The following EML6 variants were observed in gnomAD, a reference collection of about 807,000 sequenced individuals.
The protein encoded by EML6 is echinoderm microtubule-associated protein-like 6.
EML6 carries 154 observed loss-of-function variants against 240.1 expected under a neutral mutation model. The ratio of observed to expected loss-of-function variants is 0.64; its 90% CI spans 0.56 to 0.73. EML6 has a LOEUF of 0.73. EML6 is among the 30% of genes least tolerant of loss of function. EML6 has a pLI of 0.00. For synonymous variants in EML6, 1,148 were observed against 899.0 expected, an observed-to-expected ratio of 1.28 and a Z score of -4.95; for missense variants, 2,964 against 2,474.6, an observed-to-expected ratio of 1.20 and a Z score of -4.20.
chr2:54,918,220 C>T lies in EML6; in HGVS notation c.3675+1285C>T, dbSNP rs191426863. Reference sequence around the variant, plus strand: ...GAGCATTTTCTCTCCCTTGCAGCATCATGTCATCCTCTGCTTTCACAATCC... The same window carrying T: ...GAGCATTTTCTCTCCCTTGCAGCATTATGTCATCCTCTGCTTTCACAATCC... On this transcript the variant is annotated intron_variant, in intron 26 of 41. Coordinates refer to ENST00000356458, the MANE Select transcript of EML6 (RefSeq NM_001039753.4). Among the ~76,000 whole-genome samples the T allele has an allele frequency of 1.3e-4, 20 of 152,324 alleles. No individual in the cohort carries two copies. In the East Asian group the frequency reaches 3.7e-3, roughly 28 times the overall value.
chr2:54,927,901 T>C (rs1037255109), intron 26 of EML6, among the ~76,000 whole-genome samples: 2 of 152,346 alleles, frequency 1.3e-5, no homozygotes, highest in African/African-American at 4.8e-5. Flanking sequence ...CTGCCTGGAC[T>C]GTAGTACAAA....
chr2:54,921,288 A>G (rs555671172), intron 26 of EML6, among the ~76,000 whole-genome samples: 8 of 152,288 alleles, frequency 5.3e-5, no homozygotes, highest in African/African-American at 1.9e-4. Context: ...TATACAATTC[A>G]ATTACATTTT....
chr2:54,910,418 T>C (rs1673577628), intron 24 of EML6, among the ~76,000 whole-genome samples: 1 of 152,240 alleles, frequency 6.6e-6, no homozygotes, highest in East Asian at 1.9e-4. Context: ...CTGGATTTCT[T>C]TTCAAATGTT....
At chr2:54,886,659 G>C (rs975594758) in intron 17 of EML6, among the ~76,000 whole-genome samples, 1 of 152,178 alleles carries the variant, frequency 6.6e-6, no homozygotes, top group South Asian at 2.1e-4. Flanking sequence ...GTGTGAAGTG[G>C]TATCTCATTA....
Position 54,970,113 on chromosome 2 carries a change from A to G in EML6, c.*18A>G. ...GTCTGTAAAATGCCAGAAGCCTCTT[A>G]TGTTATTGCTGCTGCTGCTACCAGC... On this transcript the variant is annotated 3_prime_UTR_variant, in exon 42 of 42. Coordinates refer to ENST00000356458, the MANE Select transcript of EML6 (RefSeq NM_001039753.4). 14 of 1,551,528 alleles carry G rather than the reference A, an allele frequency of 9.0e-6. No homozygotes were observed. The highest frequency in any genetic ancestry group is 1.0e-5 in the Non-Finnish European group (12 of 1,146,856).
intron 2 of EML6, among the ~76,000 whole-genome samples, chr2:54,808,500 C>T (rs901187012): frequency 1.3e-5 from 2 of 151,708 alleles, no homozygotes; most frequent in African/African-American, 4.9e-5. Context: ...TTCATGCTTT[C>T]CTGGTGAGAC....
At chr2:54,793,362 T>A (rs1487544150) in intron 2 of EML6, among the ~76,000 whole-genome samples, 6 of 143,050 alleles carry the variant, frequency 4.2e-5, no homozygotes, top group Admixed American at 2.1e-4. Flanking sequence ...TGAAGAAGTA[T>A]AAGGTAAATA....
At chr2:54,922,323 A>G (rs1285500738) in intron 26 of EML6, among the ~76,000 whole-genome samples, 4 of 152,230 alleles carry the variant, frequency 2.6e-5, no homozygotes, top group Non-Finnish European at 4.4e-5. Flanking sequence ...ATCACTTTTT[A>G]GGGAAATGTA....
At chr2:54,859,351 C>T (rs545359861) in intron 11 of EML6, among the ~76,000 whole-genome samples, 183 bp from the exon 12 acceptor site, 1 of 152,110 alleles carries the variant, frequency 6.6e-6, no homozygotes, top group African/African-American at 2.4e-5. Context: ...TAGCTTACTG[C>T]ATATTGGAAT....
In EML6 at chr2:54,725,028, C is replaced by CG. The variant is rs1263226929; in HGVS notation, c.-27dup. 4.0e-5 allele frequency: 58 copies of CG among 1,467,990 alleles called. No individual in the cohort carries two copies. Among genetic ancestry groups the CG allele is most frequent in the African/African-American group, 7.4e-5 (5 of 67,314 alleles). 90.9% of individuals were successfully genotyped at this position (1,467,990 alleles called of 1,614,324 possible). A position where few individuals can be genotyped will look rare whatever the true frequency, so the allele number is the denominator to read the frequency against. On this transcript the variant is annotated 5_prime_UTR_variant, in exon 2 of 42. Transcript: ENST00000356458. This position sits in a 1 kb window ranked among gnomAD's most constrained non-coding sequence, Gnocchi z 4.3. Reference sequence around the variant, plus strand: ...CCTCGGCGAGGACGGCCCCGGCGCGCGGGGGGGCGGGGGGCGCGCGGGGTC... The same window carrying CG: ...CCTCGGCGAGGACGGCCCCGGCGCGCGGGGGGGGCGGGGGGCGCGCGGGGTC...
chr2:54,895,166 C>T, intron 20 of EML6, 107 bp from the exon 21 acceptor site: 2 of 1,358,996 alleles, frequency 1.5e-6, no homozygotes, highest in Non-Finnish European at 2.0e-6. Flanking sequence ...GTAGAAATGT[C>T]AAGGCTGACT....
chr2:54,920,225 A>G (rs1166866122), intron 26 of EML6, among the ~76,000 whole-genome samples: 1 of 152,142 alleles, frequency 6.6e-6, no homozygotes, highest in Non-Finnish European at 1.5e-5. Context: ...AGAAAAGACC[A>G]ATGAAACTAA....
At chr2:54,893,859 T>G (rs1161682779) in intron 19 of EML6, among the ~76,000 whole-genome samples, 2 of 152,166 alleles carry the variant, frequency 1.3e-5, no homozygotes, top group East Asian at 1.9e-4. Flanking sequence ...GTTTTGTTTT[T>G]TTATTGGTAC....
intron 2 of EML6, among the ~76,000 whole-genome samples, chr2:54,776,957 T>TA (rs980894931): frequency 2.1e-4 from 32 of 151,980 alleles, no homozygotes; most frequent in Non-Finnish European, 4.4e-4. Context: ...TTCTTTGGTT[T>TA]AAAAAAAACA....
intron 28 of EML6, among the ~76,000 whole-genome samples, chr2:54,936,566 A>C (rs557540033): frequency 6.6e-6 from 1 of 152,346 alleles, no homozygotes; most frequent in African/African-American, 2.4e-5. Flanking sequence ...ATAAGTACTC[A>C]CTTAACCTTT....
At chr2:54,879,500 T>G in intron 16 of EML6, 47 bp from the exon 17 acceptor site, 6 of 1,259,280 alleles carry the variant, frequency 4.8e-6, no homozygotes, top group Non-Finnish European at 5.7e-6. Context: ...TGAAATGTTT[T>G]GTTTTTTCAT....
At chr2:54,746,320 T>C (rs1424319274) in intron 2 of EML6, among the ~76,000 whole-genome samples, 1 of 151,866 alleles carries the variant, frequency 6.6e-6, no homozygotes, top group African/African-American at 2.4e-5. Context: ...CCATCGACTG[T>C]GTCTCTTTTT....
intron 4 of EML6, 73 bp from the exon 5 acceptor site, chr2:54,820,321 A>T (rs1572950101): frequency 1.2e-6 from 1 of 824,318 alleles, no homozygotes; most frequent in East Asian, 2.7e-5. Context: ...GAGTCTTGGC[A>T]ATTGGACTAG....
At chr2:54,856,658 G>T (rs1346010760) in intron 11 of EML6, among the ~76,000 whole-genome samples, 2 of 152,198 alleles carry the variant, frequency 1.3e-5, no homozygotes, top group East Asian at 3.8e-4. Context: ...CTAGAACTTA[G>T]TGCATGAGGG....
Sources: gnomAD v4.1 joint callset for allele counts (sites outside exome capture counted in the v4.1 genomes callset) on GRCh38, gnomAD v4.1.1 for gene constraint, Gnocchi (gnomAD v3.1) non-coding constraint, MANE v1.5 for transcripts, NCBI Gene and HGNC (gene_info 2026-07-23, HGNC 2026-07-21) for gene names.